CCDC91: variants seen among roughly 807,000 people sequenced by gnomAD.
CCDC91 encodes coiled-coil domain containing 91.
Under a neutral mutation model 63.2 loss-of-function variants are expected in CCDC91, and 48 were observed. That is an observed-to-expected ratio of 0.76 (90% CI 0.60 to 0.97). The LOEUF (loss-of-function observed/expected upper bound fraction) is 0.97. CCDC91 is among the 50% of genes least tolerant of loss of function. The pLI, the probability that CCDC91 is intolerant of heterozygous loss-of-function variation, is 0.00. For synonymous variants in CCDC91, 167 were observed against 165.8 expected (o/e 1.01, Z -0.06); for missense variants, 500 against 494.6 (o/e 1.01, Z -0.10).
intron 7 of CCDC91, among the ~76,000 whole-genome samples, chr12:28,365,335 G>A (rs1208994165): frequency 1.3e-5 from 2 of 152,030 alleles, no homozygotes; most frequent in South Asian, 2.1e-4. Context: ...CAATAAATAC[G>A]TTTGCAGCGA....
At chr12:28,338,513 G>C (rs952119510) in intron 6 of CCDC91, among the ~76,000 whole-genome samples, 3 of 152,088 alleles carry the variant, frequency 2.0e-5, no homozygotes, top group Non-Finnish European at 4.4e-5. Context: ...AAAGATGTTT[G>C]GGTGCTGGAA....
chr12:28,204,097 TA>T (rs1165335930), intron 1 of CCDC91, among the ~76,000 whole-genome samples: 1 of 152,106 alleles, frequency 6.6e-6, no homozygotes, highest in African/African-American at 2.4e-5. Flanking sequence ...TTAAAGCATT[TA>T]ACTGAATGCT....
At chr12:28,388,374 CA>C (rs1453353817) in intron 7 of CCDC91, among the ~76,000 whole-genome samples, 2 of 152,090 alleles carry the variant, frequency 1.3e-5, no homozygotes, top group African/African-American at 4.8e-5. Context: ...AAGACTCCTC[CA>C]AAAAGCTCCT....
At position 28,492,521 on chromosome 12, in the gene CCDC91, C is replaced by G. The variant is rs571096127; in HGVS notation, c.1215+8356C>G. On this transcript the variant is annotated intron_variant, in intron 12 of 12. Transcript: ENST00000536442. ...GCTAAAATTTGATCCAGTGCTTTTT[C>G]TACTATATCACACCAGTGGCCCTTG... 4.0e-5 allele frequency among the ~76,000 whole-genome samples: 6 copies of G among 151,566 alleles called. No individual in the cohort carries two copies. The South Asian group carries it at 8.3e-4, about 21-fold the overall frequency.
intron 6 of CCDC91, among the ~76,000 whole-genome samples, chr12:28,321,490 G>A (rs767564043): frequency 1.2e-4 from 18 of 151,884 alleles, no homozygotes; most frequent in Non-Finnish European, 1.2e-4. Context: ...TTCGTACATT[G>A]ATGCTCTCAT....
At chr12:28,203,782 A>G (rs1246185730) in intron 1 of CCDC91, among the ~76,000 whole-genome samples, 4 of 152,180 alleles carry the variant, frequency 2.6e-5, no homozygotes, top group African/African-American at 4.8e-5. Flanking sequence ...CCATTATGTA[A>G]TTTTGTTCTT....
intron 8 of CCDC91, among the ~76,000 whole-genome samples, chr12:28,422,927 G>C (rs786706): frequency 0.99 from 151,361 of 152,228 alleles, 75,256 homozygotes; most frequent in Middle Eastern, 1. Context: ...TACTTTTTCT[G>C]TAATTCCAAG....
intron 6 of CCDC91, among the ~76,000 whole-genome samples, chr12:28,351,832 C>T (rs1943201219): frequency 6.6e-6 from 1 of 152,124 alleles, no homozygotes; most frequent in Non-Finnish European, 1.5e-5. Flanking sequence ...TGTATATCTC[C>T]TTCATTCTAG....
At chr12:28,475,163 G>C (rs1319070252) in intron 11 of CCDC91, among the ~76,000 whole-genome samples, 2 of 152,004 alleles carry the variant, frequency 1.3e-5, no homozygotes, top group East Asian at 3.9e-4. Flanking sequence ...TTTTATTCAA[G>C]AGAATACAAG....
chr12:28,457,814 C>G (rs1388698620), intron 11 of CCDC91, among the ~76,000 whole-genome samples: 2 of 151,890 alleles, frequency 1.3e-5, no homozygotes, highest in Non-Finnish European at 2.9e-5. Context: ...TAAATTAATT[C>G]TGGGTCACTT....
intron 8 of CCDC91, among the ~76,000 whole-genome samples, chr12:28,392,101 A>G (rs1228244491): frequency 6.6e-6 from 1 of 152,200 alleles, no homozygotes; most frequent in African/African-American, 2.4e-5. Flanking sequence ...ATACCACCTT[A>G]TTCTCAAGAT....
chr12:28,365,021 GA>G (rs1944184603), intron 7 of CCDC91, among the ~76,000 whole-genome samples: 1 of 152,206 alleles, frequency 6.6e-6, no homozygotes, highest in South Asian at 2.1e-4. Context: ...AATATGCAAT[GA>G]ATTTTCACTG....
chr12:28,272,045 G>A (rs969542501), intron 3 of CCDC91, among the ~76,000 whole-genome samples: 3 of 151,848 alleles, frequency 2.0e-5, no homozygotes, highest in African/African-American at 2.4e-5. Flanking sequence ...TCTGCACAAC[G>A]TAGATATTAC....
chr12:28,484,945 C>A (rs1951640380), intron 12 of CCDC91, among the ~76,000 whole-genome samples: 1 of 150,760 alleles, frequency 6.6e-6, no homozygotes, highest in Non-Finnish European at 1.5e-5. Flanking sequence ...TTTATTTGTG[C>A]AAATATATAA....
intron 12 of CCDC91, among the ~76,000 whole-genome samples, chr12:28,491,885 G>GTA (rs1952026937): frequency 6.6e-6 from 1 of 150,574 alleles, no homozygotes; most frequent in South Asian, 2.1e-4. Context: ...GTGTGTGTGT[G>GTA]TGTGTGTGTG....
At chr12:28,444,922 TAGAA>T in intron 8 of CCDC91, among the ~76,000 whole-genome samples, 1 of 152,230 alleles carries the variant, frequency 6.6e-6, no homozygotes, top group Admixed American at 6.5e-5. Context: ...ATTAAAACAA[TAGAA>T]GCATTTCAGC....
intron 1 of CCDC91, among the ~76,000 whole-genome samples, chr12:28,213,917 C>A (rs1051700019): frequency 6.6e-6 from 1 of 152,166 alleles, no homozygotes; most frequent in African/African-American, 2.4e-5. Context: ...GTGCAGGATT[C>A]TCCAGAAGGC....
At chr12:28,308,986 C>T (rs2137135560) in intron 6 of CCDC91, among the ~76,000 whole-genome samples, 1 of 151,998 alleles carries the variant, frequency 6.6e-6, no homozygotes, top group East Asian at 1.9e-4. Context: ...CAAGCTTCTC[C>T]AGTTTACCCT....
At chr12:28,303,026 T>C (rs961872398) in intron 3 of CCDC91, among the ~76,000 whole-genome samples, 1 of 151,938 alleles carries the variant, frequency 6.6e-6, no homozygotes, top group Non-Finnish European at 1.5e-5. Flanking sequence ...GTAGTCAAAG[T>C]GTTAGGTAGA....
Sources: allele counts gnomAD v4.1 joint callset (sites outside exome capture counted in the v4.1 genomes callset), GRCh38; gene constraint gnomAD v4.1.1; transcripts MANE v1.5; gene names NCBI Gene and HGNC (gene_info 2026-07-23, HGNC 2026-07-21).